Variants in IQSEC1 observed in about 807,000 individuals in gnomAD.
IQSEC1 encodes IQ motif and SEC7 domain-containing protein 1.
In IQSEC1, 31 loss-of-function variants were observed where a neutral mutation model predicts 91.0. That is an observed-to-expected ratio of 0.34 (90% CI 0.26 to 0.46). The LOEUF (loss-of-function observed/expected upper bound fraction) is 0.46. Ranked by LOEUF, IQSEC1 falls within the 20% of genes least tolerant of loss-of-function variation. The pLI is 1.00. For synonymous variants in IQSEC1, 699 were observed against 662.6 expected, an observed-to-expected ratio of 1.05 and a Z score of -0.84; for missense variants, 1,388 against 1,575.6, an observed-to-expected ratio of 0.88 and a Z score of 2.02.
At position 13,241,281 on chromosome 3, in the gene IQSEC1, G is replaced by A. The variant is rs116891493; in HGVS notation, c.272+41430C>T. On this transcript the variant is annotated intron_variant, in intron 1 of 15. Coordinates refer to the IQSEC1 transcript ENST00000648114. ...GCAAACAGGCCAGACACAAGCAGGC[G>A]AAAGCAGCTTTTAACAAAATATGTC... Among the ~76,000 whole-genome samples the A allele has an allele frequency of 3.9e-4, 60 of 152,326 alleles. No homozygotes were observed. In the East Asian group the frequency reaches 0.01, roughly 26 times the overall value.
chr3:12,924,958 G>A lies in IQSEC1; in HGVS notation c.1569-216C>T, dbSNP rs1032631037. 2.0e-5 allele frequency among the ~76,000 whole-genome samples: 3 copies of A among 152,194 alleles called. No individual in the cohort carries two copies. The highest frequency in any genetic ancestry group is 2.9e-5 in the Non-Finnish European group (2 of 68,022). On this transcript the variant is annotated intron_variant, in intron 3 of 13. Transcript: ENST00000613206. The surrounding 1 kb of genome is among the most constrained non-coding windows in gnomAD (Gnocchi z 6.3). ...GGCACTGGAAGACCCTGGGCTCCAG[G>A]CATCCTGCCCTGTCCCAAAACCCAA...
intron 1 of IQSEC1, among the ~76,000 whole-genome samples, chr3:13,066,017 A>T (rs1705217301): frequency 6.6e-6 from 1 of 152,212 alleles, no homozygotes; most frequent in African/African-American, 2.4e-5. Context: ...CTCACATGAC[A>T]TCCCCAGGGC....
intron 1 of IQSEC1, among the ~76,000 whole-genome samples, chr3:13,183,210 C>CATAA (rs1264730264): frequency 2.0e-5 from 3 of 147,336 alleles, no homozygotes; most frequent in East Asian, 4.0e-4. Flanking sequence ...AACAAACAAA[C>CATAA]ATAAATAAAT....
intron 1 of IQSEC1, among the ~76,000 whole-genome samples, chr3:12,962,387 A>G (rs1334488488): frequency 6.6e-6 from 1 of 152,268 alleles, no homozygotes; most frequent in Non-Finnish European, 1.5e-5. Context: ...GGGAGAAAGT[A>G]TTCATGTTGG....
At chr3:13,058,277 A>G (rs1704946677) in intron 1 of IQSEC1, among the ~76,000 whole-genome samples, 1 of 152,234 alleles carries the variant, frequency 6.6e-6, no homozygotes, top group Admixed American at 6.5e-5. Context: ...TGTCTCAAAA[A>G]AAAGAAAAGG....
intron 1 of IQSEC1, among the ~76,000 whole-genome samples, chr3:13,182,758 A>C (rs1284233997): frequency 6.6e-6 from 1 of 152,280 alleles, no homozygotes; most frequent in Non-Finnish European, 1.5e-5. Context: ...ATGAAAATAT[A>C]ACATATCAAA....
rs1694877100 is a variant in IQSEC1, at chr3:13,233,938, TGCAAA to T, written c.272+48768_272+48772del. 3.3e-5 allele frequency among the ~76,000 whole-genome samples: 5 copies of T among 152,284 alleles called. No individual in the cohort carries two copies. The South Asian group carries it at 1.0e-3, about 32-fold the overall frequency. Reference sequence around the variant, plus strand: ...GGGGAGGGTGAATCAAGATAAAATGTGCAAACTGTTCAGACAAGAGGCCAGGCAGG... The same window carrying T: ...GGGGAGGGTGAATCAAGATAAAATGTCTGTTCAGACAAGAGGCCAGGCAGG... On this transcript the variant is annotated intron_variant, in intron 1 of 15. Coordinates refer to the IQSEC1 transcript ENST00000648114.
At chr3:12,982,325 T>C (rs550397682) in intron 1 of IQSEC1, among the ~76,000 whole-genome samples, 6 of 152,284 alleles carry the variant, frequency 3.9e-5, no homozygotes, top group African/African-American at 1.4e-4. Context: ...GTGATATCTA[T>C]CATCATTTAC....
intron 2 of IQSEC1, among the ~76,000 whole-genome samples, chr3:13,110,555 C>A (rs1706226912): frequency 6.6e-6 from 1 of 152,206 alleles, no homozygotes; most frequent in South Asian, 2.1e-4. Flanking sequence ...CGCCATTGCA[C>A]TCCAGCCTGG....
chr3:13,020,528 C>T (rs1387837049), intron 1 of IQSEC1, among the ~76,000 whole-genome samples: 3 of 152,220 alleles, frequency 2.0e-5, no homozygotes, highest in Admixed American at 6.5e-5. Context: ...CTGGGTTTCC[C>T]CTTTCCCTTT....
At position 12,924,885 on chromosome 3, in the gene IQSEC1, G is replaced by T; in HGVS notation, c.1569-143C>A. The T allele has an allele frequency of 1.4e-6, 1 of 735,316 alleles. No homozygotes were observed. The highest frequency in any genetic ancestry group is 2.1e-6 in the Non-Finnish European group (1 of 470,822). The allele number at this position is 735,316 out of a possible 1,614,324, so 45.5% of individuals were successfully genotyped here. ...CCTTCATCCCTGTAGGCATTCAGGG[G>T]TCTCTAGTTCCATCTCCAGCCTGGG... On this transcript the variant is annotated intron_variant, in intron 3 of 13. Transcript: ENST00000613206. The surrounding 1 kb of genome is among the most constrained non-coding windows in gnomAD (Gnocchi z 6.3).
intron 2 of IQSEC1, among the ~76,000 whole-genome samples, chr3:13,126,792 C>T (rs1450341777): frequency 2.6e-5 from 4 of 152,112 alleles, no homozygotes; most frequent in Non-Finnish European, 1.5e-5. Context: ...AGTATCATCC[C>T]CTTAACAGTA....
At chr3:12,921,378 G>C (rs1209087526) in intron 5 of IQSEC1, among the ~76,000 whole-genome samples, 1 of 152,220 alleles carries the variant, frequency 6.6e-6, no homozygotes, top group Non-Finnish European at 1.5e-5. Context: ...CATCACCAGT[G>C]TGGAGCCCAG....
chr3:13,269,151 A>C (rs1695549794), intron 1 of IQSEC1, among the ~76,000 whole-genome samples: 1 of 152,150 alleles, frequency 6.6e-6, no homozygotes, highest in Non-Finnish European at 1.5e-5. Flanking sequence ...GGCAACCAGC[A>C]GGCACTTGGC....
intron 2 of IQSEC1, among the ~76,000 whole-genome samples, chr3:13,078,505 G>A (rs553523791): frequency 2.6e-5 from 4 of 152,058 alleles, no homozygotes; most frequent in African/African-American, 7.2e-5. Context: ...TGTAGCCTGG[G>A]GGGGAAGGCC....
intron 2 of IQSEC1, among the ~76,000 whole-genome samples, chr3:13,140,707 A>G (rs1231740577): frequency 6.6e-6 from 1 of 152,206 alleles, no homozygotes; most frequent in Non-Finnish European, 1.5e-5. Context: ...ATGCTGAGTG[A>G]CAGATAAGCC....
chr3:12,912,070 AGC>A (rs982742734), intron 9 of IQSEC1, among the ~76,000 whole-genome samples: 19 of 152,306 alleles, frequency 1.2e-4, no homozygotes, highest in African/African-American at 4.6e-4. Flanking sequence ...GGTGCTCACT[AGC>A]GCTGACCTTG....
chr3:12,956,428 C>T (rs574510444), intron 1 of IQSEC1, among the ~76,000 whole-genome samples: 2 of 152,208 alleles, frequency 1.3e-5, no homozygotes, highest in Non-Finnish European at 2.9e-5. Flanking sequence ...TTCTGCTCCA[C>T]TGGGTCCTGT....
intron 2 of IQSEC1, among the ~76,000 whole-genome samples, chr3:12,937,912 C>G (rs1332204873): frequency 6.6e-6 from 1 of 152,184 alleles, no homozygotes; most frequent in African/African-American, 2.4e-5. Flanking sequence ...CTGGCCTACA[C>G]AGCTCGTTCC....
Sources: gnomAD v4.1 joint callset for allele counts (sites outside exome capture counted in the v4.1 genomes callset) on GRCh38, gnomAD v4.1.1 for gene constraint, Gnocchi (gnomAD v3.1) non-coding constraint, MANE v1.5 for transcripts, NCBI Gene and HGNC (gene_info 2026-07-23, HGNC 2026-07-21) for gene names.